Variants in ARID4A observed in about 807,000 individuals in gnomAD.
The protein encoded by ARID4A is AT-rich interactive domain-containing protein 4A.
In ARID4A, 39 loss-of-function variants were observed where a neutral mutation model predicts 148.6. The ratio of observed to expected loss-of-function variants is 0.26; its 90% CI spans 0.20 to 0.34. ARID4A has a LOEUF of 0.34. Ranked by LOEUF, ARID4A falls within the 10% of genes least tolerant of loss-of-function variation. The pLI is 1.00. For missense variants in ARID4A, 1,265 were observed against 1,449.1 expected (o/e 0.87, Z 2.06); for synonymous variants, 475 against 481.2 (o/e 0.99, Z 0.17).
intron 15 of ARID4A, 65 bp from the exon 16 acceptor site, chr14:58,351,008 A>AT (rs1000302568): frequency 2.7e-6 from 4 of 1,485,432 alleles, no homozygotes; most frequent in Admixed American, 2.4e-5. Context: ...AGGAAAAGAT[A>AT]TTTTTTCCTG....
rs548772971 is a variant in ARID4A, at chr14:58,347,834, A to G, written c.1360A>G (p.Asn454Asp). 1.2e-6 allele frequency: 2 copies of G among 1,613,460 alleles called. No individual in the cohort carries two copies. ...TGAACCTGAGGAAAATATCGATTCA[A>G]ACAGTGAAAGTGAAAGAGAAGAGAT... is the stretch of plus-strand genomic sequence containing the variant. Reference protein sequence around the residue: ...KSEPEENIDSNSESEREEIEL... With the variant: ...KSEPEENIDSDSESEREEIEL... Residue 454 changes from asparagine (N) to aspartate (D), a missense_variant, in exon 15 of 24, where the codon AAC (asparagine) becomes GAC (aspartate). By Grantham distance (23) the Asn-to-Asp change is conservative (BLOSUM62 1). Transcript: ENST00000355431.
chr14:58,357,341 G>A (rs529550601), intron 17 of ARID4A, among the ~76,000 whole-genome samples: 2 of 152,148 alleles, frequency 1.3e-5, no homozygotes, highest in Non-Finnish European at 2.9e-5. Flanking sequence ...ATAAGTAAAG[G>A]AGCATCTGTA....
intron 5 of ARID4A, among the ~76,000 whole-genome samples, chr14:58,317,851 C>G (rs936266270): frequency 7.2e-5 from 11 of 151,772 alleles, no homozygotes; most frequent in African/African-American, 2.7e-4. Context: ...CTAAACTTCT[C>G]AGCTGGGTAC....
chr14:58,301,054 A>C (rs964992039), intron 2 of ARID4A, among the ~76,000 whole-genome samples: 1 of 152,234 alleles, frequency 6.6e-6, no homozygotes, highest in Non-Finnish European at 1.5e-5. Flanking sequence ...GGCTGAATTC[A>C]GACTTAAAAC....
chr14:58,358,088 G>C (rs941127802), intron 17 of ARID4A, among the ~76,000 whole-genome samples: 2 of 152,124 alleles, frequency 1.3e-5, no homozygotes, highest in African/African-American at 2.4e-5. Flanking sequence ...CGTGGTCTCA[G>C]CTACTCAGGA....
At chr14:58,362,618 CGCAATCTCAGCTCCCT>C (rs1251285111) in intron 19 of ARID4A, among the ~76,000 whole-genome samples, 4 of 151,844 alleles carry the variant, frequency 2.6e-5, no homozygotes, top group South Asian at 4.2e-4. Flanking sequence ...AGTATAGTGG[CGCAATCTCAGCTCCCT>C]GCAACCTCCA....
At chr14:58,369,989 T>A (rs2035533005) in intron 23 of ARID4A, 2 of 152,188 alleles carry the variant, frequency 1.3e-5, no homozygotes, top group Admixed American at 1.3e-4. Context: ...GTTTTCTGCC[T>A]CTAGTAGAGA....
At chr14:58,300,008 T>C in intron 2 of ARID4A, 148 bp downstream of exon 2, 1 of 1,137,388 alleles carries the variant, frequency 8.8e-7, no homozygotes, top group East Asian at 2.3e-5. Context: ...GTTGAATGGG[T>C]GAAAAATGAT....
intron 17 of ARID4A, among the ~76,000 whole-genome samples, chr14:58,354,817 A>G (rs1215397104): frequency 6.6e-6 from 1 of 152,228 alleles, no homozygotes; most frequent in African/African-American, 2.4e-5. Flanking sequence ...AGGTAACATT[A>G]TAATTGGTAG....
chr14:58,324,410 C>T (rs549792082), intron 8 of ARID4A, among the ~76,000 whole-genome samples: 3 of 152,066 alleles, frequency 2.0e-5, no homozygotes, highest in Non-Finnish European at 4.4e-5. Context: ...CAAGCAGCTA[C>T]AAGTACAGGA....
chr14:58,343,021 G>T (rs758430482), intron 11 of ARID4A, among the ~76,000 whole-genome samples: 1 of 152,158 alleles, frequency 6.6e-6, no homozygotes, highest in Non-Finnish European at 1.5e-5. Context: ...TTTTGGTTTT[G>T]ATTTTTTTTC....
At chr14:58,335,277 C>G (rs1393181995) in intron 11 of ARID4A, among the ~76,000 whole-genome samples, 1 of 151,100 alleles carries the variant, frequency 6.6e-6, no homozygotes, top group Non-Finnish European at 1.5e-5. Context: ...CTTCTTAGCT[C>G]AAGACATTTA....
chr14:58,315,538 G>A (rs1594881094), intron 5 of ARID4A, among the ~76,000 whole-genome samples: 1 of 152,192 alleles, frequency 6.6e-6, no homozygotes, highest in East Asian at 1.9e-4. Flanking sequence ...ATGTGTGTGT[G>A]TGTCTAGTAT....
rs1292922542 is a variant in ARID4A at position 58,301,681 on chromosome 14, G to C, written c.108G>C (p.Val36=). 1 of 1,611,938 alleles carries C rather than the reference G, an allele frequency of 6.2e-7. No individual in the cohort carries two copies. The highest frequency in any genetic ancestry group is 1.3e-5 in the African/African-American group (1 of 74,990). ...EAKIKTVKRL[V]KVKVLLKQDN... ...AGATTAAGACTGTGAAAAGGCTGGT[G>C]AAAGTTAAGGTAATATTTGTTTTTA... Residue 36 remains valine (V), a synonymous_variant, in exon 3 of 24, where the codon GTG becomes GTC. Transcript: ENST00000355431.
rs982047216 is a variant in ARID4A, at chr14:58,330,244, C to T, written c.906+75C>T. 2.8e-5 allele frequency: 42 copies of T among 1,521,390 alleles called. No individual in the cohort carries two copies. The African/African-American group carries it at 6.0e-4, about 22-fold the overall frequency. 94.2% of individuals were successfully genotyped at this position (1,521,390 alleles called of 1,614,324 possible). A position where few individuals can be genotyped will look rare whatever the true frequency, so the allele number is the denominator to read the frequency against. On this transcript the variant is annotated intron_variant, in intron 11 of 23. Transcript: ENST00000355431. ...GAAAATAATACCTTCATATATTTTT[C>T]CCTCTGTTTAGATTCTCTATTATTT... is the stretch of plus-strand genomic sequence containing the variant.
Position 58,373,445 on chromosome 14 carries a change from A to G in ARID4A, c.*1456A>G, listed in dbSNP as rs949645955. The G allele has an allele frequency of 5.5e-6, 1 of 180,624 alleles. No homozygotes were observed. Among genetic ancestry groups the G allele is most frequent in the Non-Finnish European group, 1.2e-5 (1 of 84,574 alleles). 11.2% of individuals were successfully genotyped at this position (180,624 alleles called of 1,614,324 possible). A position where few individuals can be genotyped will look rare whatever the true frequency, so the allele number is the denominator to read the frequency against. On this transcript the variant is annotated 3_prime_UTR_variant, in exon 24 of 24. Coordinates refer to ENST00000355431, the MANE Select transcript of ARID4A (RefSeq NM_002892.4). ...TTTTCTGTGTTTAATATGCTGTAGAATAATAACCTAGATGCTCTAGACTGT... is the reference window on the plus strand; with the variant it reads ...TTTTCTGTGTTTAATATGCTGTAGAGTAATAACCTAGATGCTCTAGACTGT...
rs552112032 is a variant in ARID4A at position 58,333,105 on chromosome 14, T to TA, written c.906+2937dup. 1.8e-3 allele frequency among the ~76,000 whole-genome samples: 278 copies of TA among 152,196 alleles called. 3 individuals are homozygous for TA. Among genetic ancestry groups the TA allele is most frequent in the African/African-American group, 6.5e-3 (268 of 41,532 alleles). ...GGTAGTTCAGGATTTGAGTACAAGA[T>TA]ATAGATCTCATGCTGTTACTGTGTG... On this transcript the variant is annotated intron_variant, in intron 11 of 23. Transcript: ENST00000355431.
chr14:58,329,915 C>A, intron 10 of ARID4A, 88 bp from the exon 11 acceptor site: 1 of 1,513,794 alleles, frequency 6.6e-7, no homozygotes, highest in Non-Finnish European at 8.8e-7. Context: ...AATTTGAATT[C>A]AGATCTTTGA....
intron 5 of ARID4A, among the ~76,000 whole-genome samples, chr14:58,318,156 A>AC (rs2032597657): frequency 6.6e-6 from 1 of 152,126 alleles, no homozygotes; most frequent in African/African-American, 2.4e-5. Context: ...AGTTAGGGGT[A>AC]CTCTAATATT....
Sources: gnomAD v4.1 joint callset for allele counts (sites outside exome capture counted in the v4.1 genomes callset) on GRCh38, gnomAD v4.1.1 for gene constraint, MANE v1.5 for transcripts, NCBI Gene and HGNC (gene_info 2026-07-23, HGNC 2026-07-21) for gene names.